The following ZNF267 variants were observed in gnomAD, a reference collection of about 807,000 sequenced individuals.
ZNF267 encodes zinc finger (C2H2).
ZNF267 carries 61 observed loss-of-function variants against 71.6 expected under a neutral mutation model. The observed-to-expected ratio is 0.85, with a 90% CI of 0.69 to 1.05. ZNF267 has a LOEUF of 1.05. Among genes scored for constraint, ZNF267 ranks in the 50% least tolerant of loss-of-function variants. The pLI is 0.00. For synonymous variants in ZNF267, 288 were observed against 293.2 expected (o/e 0.98, Z 0.18); for missense variants, 852 against 870.0 (o/e 0.98, Z 0.26).
intron 1 of ZNF267, among the ~76,000 whole-genome samples, chr16:31,875,894 A>C (rs1443047616): frequency 6.6e-6 from 1 of 152,254 alleles, no homozygotes; most frequent in Non-Finnish European, 1.5e-5. Flanking sequence ...ATATCAAGTC[A>C]TACTTCATTG....
Position 31,916,265 on chromosome 16 carries a change from GTCATACC to G in ZNF267, c.2020_2026del (p.Tyr674LeufsTer89), listed in dbSNP as rs1392378980. On this transcript the variant is annotated frameshift_variant, in exon 4 of 4. Coordinates refer to ENST00000300870, the MANE Select transcript of ZNF267 (RefSeq NM_003414.6). LOFTEE classifies it high-confidence loss of function. The stretch of plus-strand genomic sequence containing the variant: ...AATGTGGCAAAGCCTTCAACTCTAG[GTCATACC>G]TCACTACACATCGGAGAAGACATAC... 6.2e-7 allele frequency: 1 copy of G among 1,613,932 alleles called. No homozygotes were observed. The highest frequency in any genetic ancestry group is 8.5e-7 in the Non-Finnish European group (1 of 1,179,972).
chr16:31,894,536 A>G, intron 3 of ZNF267: 1 of 511,652 alleles, frequency 2.0e-6, no homozygotes, highest in Non-Finnish European at 3.9e-6. Context: ...AACAAACTAC[A>G]TCTTTCAAGT....
intron 3 of ZNF267, among the ~76,000 whole-genome samples, chr16:31,890,950 A>G (rs1002751706): frequency 6.6e-6 from 1 of 152,192 alleles, no homozygotes; most frequent in South Asian, 2.1e-4. Flanking sequence ...ATCTCTTTAT[A>G]TGTAAAGTAA....
rs1311645185 is a variant in ZNF267, at chr16:31,873,832, C to T, written c.-135C>T. ...AGTTAGAGCTCGGGTCTCCTCGCCA[C>T]AGCTCCGAGTCTTTCGTTCTGGGAG... On this transcript the variant is annotated 5_prime_UTR_variant, in exon 1 of 4. Transcript: ENST00000300870. The T allele has an allele frequency of 5.5e-6, 7 of 1,276,462 alleles. No homozygotes were observed. The highest frequency in any genetic ancestry group is 2.4e-5 in the East Asian group (1 of 41,290). The allele number at this position is 1,276,462 out of a possible 1,614,324, so 79.1% of individuals were successfully genotyped here. A position where few individuals can be genotyped will look rare whatever the true frequency, so the allele number is the denominator to read the frequency against.
chr16:31,905,898 T>C (rs2142356027), intron 3 of ZNF267, among the ~76,000 whole-genome samples: 1 of 152,328 alleles, frequency 6.6e-6, no homozygotes, highest in African/African-American at 2.4e-5. Flanking sequence ...TGCTGTTTTT[T>C]CCCCATCTTT....
Position 31,916,191 on chromosome 16 carries a change from A to G in ZNF267, c.1942A>G (p.Thr648Ala). 2 of 1,614,200 alleles carry G rather than the reference A, an allele frequency of 1.2e-6. No individual in the cohort carries two copies. Among genetic ancestry groups the G allele is most frequent in the Admixed American group, 3.3e-5 (2 of 60,028 alleles). Reference sequence around the variant, plus strand: ...AGCCTTCAACTATAGGTCATACCTCACTACACATCAGAGAAGTCATACTGG... The same window carrying G: ...AGCCTTCAACTATAGGTCATACCTCGCTACACATCAGAGAAGTCATACTGG... ...GKAFNYRSYL[T>A]THQRSHTGER... The change falls in exon 4 of 4, where the codon ACT becomes GCT. Residue 648 changes from threonine to alanine, a missense_variant. Coordinates refer to ENST00000300870, the MANE Select transcript of ZNF267 (RefSeq NM_003414.6).
intron 3 of ZNF267, among the ~76,000 whole-genome samples, chr16:31,900,107 G>C (rs1259155470): frequency 6.7e-6 from 1 of 150,218 alleles, no homozygotes; most frequent in Admixed American, 6.6e-5. Context: ...TGTCATCTTT[G>C]TATCCTATAT....
chr16:31,887,251 CTTT>C (rs760504639), intron 3 of ZNF267, among the ~76,000 whole-genome samples: 9 of 130,018 alleles, frequency 6.9e-5, no homozygotes, highest in Admixed American at 1.5e-4. Flanking sequence ...GTCAGATTTA[CTTT>C]TTTTTTTTTT....
intron 1 of ZNF267, among the ~76,000 whole-genome samples, chr16:31,877,490 T>C (rs575459814): frequency 6.6e-5 from 10 of 152,274 alleles, no homozygotes; most frequent in African/African-American, 2.4e-4. Flanking sequence ...AGAGAATGTT[T>C]CACTCTGATG....
chr16:31,878,874 G>A (rs2083870940), intron 1 of ZNF267, among the ~76,000 whole-genome samples: 1 of 152,182 alleles, frequency 6.6e-6, no homozygotes, highest in African/African-American at 2.4e-5. Flanking sequence ...AGATCTGGCT[G>A]TTGTAAGAGC....
intron 3 of ZNF267, among the ~76,000 whole-genome samples, chr16:31,886,844 T>G (rs1001643619): frequency 6.6e-6 from 1 of 152,232 alleles, no homozygotes; most frequent in Non-Finnish European, 1.5e-5. Flanking sequence ...AGATATATCT[T>G]TGACATATGA....
At chr16:31,909,599 A>G (rs1057104934) in intron 3 of ZNF267, among the ~76,000 whole-genome samples, 3 of 152,196 alleles carry the variant, frequency 2.0e-5, no homozygotes, top group Non-Finnish European at 2.9e-5. Flanking sequence ...TAGAAATGCT[A>G]TTGATGTTTG....
intron 3 of ZNF267, chr16:31,894,515 ATTC>A (rs754843756): frequency 2.0e-6 from 1 of 501,866 alleles, no homozygotes; most frequent in East Asian, 5.5e-5. Flanking sequence ...GTGACACCTA[ATTC>A]TTCTTCTAAC....
At chr16:31,907,161 A>AATT (rs1329906378) in intron 3 of ZNF267, among the ~76,000 whole-genome samples, 1 of 152,102 alleles carries the variant, frequency 6.6e-6, no homozygotes, top group Non-Finnish European at 1.5e-5. Context: ...ATTTCTGATT[A>AATT]TAATGTCTCA....
chr16:31,914,182 T>A (rs1023483797), intron 3 of ZNF267: 21 of 318,484 alleles, frequency 6.6e-5, no homozygotes, highest in African/African-American at 3.9e-4. Flanking sequence ...AGTCCCCTAG[T>A]CACTGTGCTC....
chr16:31,878,680 G>A (rs1310589429), intron 1 of ZNF267, among the ~76,000 whole-genome samples: 1 of 152,198 alleles, frequency 6.6e-6, no homozygotes, highest in African/African-American at 2.4e-5. Flanking sequence ...GCACAAACCA[G>A]TCCTTCCACC....
intron 1 of ZNF267, chr16:31,875,128 G>C: frequency 7.8e-7 from 1 of 1,289,096 alleles, no homozygotes; most frequent in Middle Eastern, 2.1e-4. Context: ...TTTGACTTGA[G>C]GTTTTGCTTT....
intron 1 of ZNF267, among the ~76,000 whole-genome samples, chr16:31,877,810 TC>T (rs2083862480): frequency 6.6e-6 from 1 of 152,074 alleles, no homozygotes; most frequent in Non-Finnish European, 1.5e-5. Flanking sequence ...TCCTATTTTT[TC>T]CCACTACTTT....
intron 3 of ZNF267, among the ~76,000 whole-genome samples, chr16:31,898,373 A>T (rs1434547874): frequency 6.6e-6 from 1 of 152,110 alleles, no homozygotes; most frequent in Non-Finnish European, 1.5e-5. Context: ...GAAAGCATAG[A>T]GTCGGATCTT....
Sources: gnomAD v4.1 joint callset for allele counts (sites outside exome capture counted in the v4.1 genomes callset) on GRCh38, gnomAD v4.1.1 for gene constraint, MANE v1.5 for transcripts, NCBI Gene and HGNC (gene_info 2026-07-23, HGNC 2026-07-21) for gene names.